The following PIK3C2G variants were observed in gnomAD, a reference collection of about 807,000 sequenced individuals.
PIK3C2G encodes phosphatidylinositol 3-kinase C2 domain-containing subunit gamma.
PIK3C2G carries 168 observed loss-of-function variants against 181.1 expected under a neutral mutation model. The observed-to-expected ratio is 0.93, with a 90% CI of 0.82 to 1.05. PIK3C2G has a LOEUF of 1.05. Ranked by LOEUF, PIK3C2G falls within the 50% of genes least tolerant of loss-of-function variation. PIK3C2G has a pLI of 0.00. For synonymous variants in PIK3C2G, 573 were observed against 592.2 expected, an observed-to-expected ratio of 0.97 and a Z score of 0.47; for missense variants, 1,869 against 1,732.8, an observed-to-expected ratio of 1.08 and a Z score of -1.40.
At chr12:18,544,128 A>G (rs766565786) in intron 25 of PIK3C2G, among the ~76,000 whole-genome samples, 17 of 151,842 alleles carry the variant, frequency 1.1e-4, no homozygotes, top group Non-Finnish European at 1.9e-4. Context: ...AAGAGAGAAA[A>G]GGCAATTCCA....
intron 31 of PIK3C2G, among the ~76,000 whole-genome samples, chr12:18,628,637 A>G (rs1949208786): frequency 6.6e-6 from 1 of 152,236 alleles, no homozygotes; most frequent in South Asian, 2.1e-4. Flanking sequence ...AATAATAACT[A>G]AGCTAAGAAT....
intron 1 of PIK3C2G, among the ~76,000 whole-genome samples, chr12:18,275,024 TA>T (rs1356101854): frequency 2.0e-5 from 3 of 152,200 alleles, no homozygotes; most frequent in African/African-American, 7.2e-5. Context: ...TATTCTCCAG[TA>T]TTTATTTTTA....
At chr12:18,554,651 T>A (rs1281674307) in intron 26 of PIK3C2G, among the ~76,000 whole-genome samples, 1 of 152,108 alleles carries the variant, frequency 6.6e-6, no homozygotes, top group East Asian at 1.9e-4. Flanking sequence ...ATTTTTTTGC[T>A]TAAAAAATAT....
At chr12:18,662,585 T>G in the PIK3C2G span, among the ~76,000 whole-genome samples, 2 of 152,144 alleles carry the variant, frequency 1.3e-5, no homozygotes, top group African/African-American at 4.8e-5. Context: ...TATTGTAACT[T>G]TGGTCTGCAG....
intron 29 of PIK3C2G, among the ~76,000 whole-genome samples, chr12:18,588,141 A>G (rs1203124925): frequency 2.0e-5 from 3 of 152,070 alleles, no homozygotes; most frequent in Non-Finnish European, 4.4e-5. Context: ...CCAAAACTAT[A>G]AAAGCCCTAG....
the PIK3C2G span, among the ~76,000 whole-genome samples, chr12:18,705,862 T>C: frequency 6.6e-6 from 1 of 151,086 alleles, no homozygotes; most frequent in East Asian, 2.0e-4. Context: ...CAAGACTCCA[T>C]CTCAAAAATA....
the PIK3C2G span, chr12:18,723,363 C>T: frequency 6.2e-7 from 1 of 1,612,900 alleles, no homozygotes; most frequent in Non-Finnish European, 8.5e-7. Context: ...TAGCTTTACT[C>T]ATCTCAGCTG....
intron 16 of PIK3C2G, among the ~76,000 whole-genome samples, chr12:18,412,094 GCT>G (rs1338638994): frequency 6.6e-6 from 1 of 152,086 alleles, no homozygotes; most frequent in Non-Finnish European, 1.5e-5. Context: ...TTCCTACAGT[GCT>G]CTGAGATGAG....
At chr12:18,433,694 A>C (rs2135778443) in intron 18 of PIK3C2G, among the ~76,000 whole-genome samples, 1 of 152,330 alleles carries the variant, frequency 6.6e-6, no homozygotes, top group Admixed American at 6.5e-5. Flanking sequence ...TTTCTCAAAA[A>C]CACTGTTCAA....
At chr12:18,596,805 G>A (rs1393783678) in intron 30 of PIK3C2G, among the ~76,000 whole-genome samples, 1 of 152,008 alleles carries the variant, frequency 6.6e-6, no homozygotes, top group Non-Finnish European at 1.5e-5. Context: ...TACTCGCTCT[G>A]GCAGAGCCCA....
intron 9 of PIK3C2G, among the ~76,000 whole-genome samples, chr12:18,341,113 A>C (rs1252056974): frequency 6.6e-6 from 1 of 152,194 alleles, no homozygotes. Context: ...CAACGAGGAA[A>C]ATATAATTTT....
chr12:18,416,116 G>T (rs1238127828), intron 16 of PIK3C2G, among the ~76,000 whole-genome samples: 1 of 152,068 alleles, frequency 6.6e-6, no homozygotes, highest in Non-Finnish European at 1.5e-5. Flanking sequence ...GTGGTGGCGG[G>T]TGCCTAAAAT....
At chr12:18,686,095 C>T in the PIK3C2G span, among the ~76,000 whole-genome samples, 6 of 151,980 alleles carry the variant, frequency 3.9e-5, no homozygotes, top group Admixed American at 2.0e-4. Context: ...GCCATCTGGA[C>T]GTTGACTTCT....
intron 18 of PIK3C2G, among the ~76,000 whole-genome samples, chr12:18,444,254 G>C (rs1946902368): frequency 6.6e-6 from 1 of 152,062 alleles, no homozygotes; most frequent in Non-Finnish European, 1.5e-5. Context: ...GCCTTTAGTA[G>C]TCTTATCAGT....
At chr12:18,660,100 T>G in the PIK3C2G span, among the ~76,000 whole-genome samples, 1 of 152,080 alleles carries the variant, frequency 6.6e-6, no homozygotes, top group Non-Finnish European at 1.5e-5. Flanking sequence ...GGTAAATATT[T>G]TGGAATCTTG....
chr12:18,441,327 T>C (rs1946735302), intron 18 of PIK3C2G, among the ~76,000 whole-genome samples: 1 of 152,076 alleles, frequency 6.6e-6, no homozygotes, highest in Non-Finnish European at 1.5e-5. Context: ...TTTAGGAGTT[T>C]TGCTAGGAAA....
Position 18,488,584 on chromosome 12 carries a change from A to G in PIK3C2G, c.2640A>G (p.Gly880=). ...SKEQKLIKIL[G]DIGERVKSAS... ...AGCAGAAACTTATCAAAATTCTGGG[A>G]GATATTGGGGAAAGAGTCAAGTCTG... The change falls in exon 19 of 33, where the codon GGA becomes GGG. Residue 880 remains glycine (G), a synonymous_variant. Coordinates refer to ENST00000538779, the MANE Select transcript of PIK3C2G (RefSeq NM_001288772.2). 1 of 1,573,420 alleles carries G rather than the reference A, an allele frequency of 6.4e-7. No individual in the cohort carries two copies.
chr12:18,282,838 A>G, intron 2 of PIK3C2G, 79 bp downstream of exon 2: 2 of 995,010 alleles, frequency 2.0e-6, no homozygotes, highest in Non-Finnish European at 2.9e-6. Context: ...TTTGGTAATG[A>G]AGATAACTAA....
the PIK3C2G span, among the ~76,000 whole-genome samples, chr12:18,675,571 T>C: frequency 6.6e-6 from 1 of 152,192 alleles, no homozygotes; most frequent in African/African-American, 2.4e-5. Flanking sequence ...CCTGCACCTG[T>C]ATGTTTGTCA....
Sources: gnomAD v4.1 joint callset for allele counts (sites outside exome capture counted in the v4.1 genomes callset) on GRCh38, gnomAD v4.1.1 for gene constraint, MANE v1.5 for transcripts, NCBI Gene and HGNC (gene_info 2026-07-23, HGNC 2026-07-21) for gene names.